The following JAM2 variants were observed in gnomAD, a reference collection of about 807,000 sequenced individuals.
The protein encoded by JAM2 is junctional adhesion molecule B.
Under a neutral mutation model 42.0 loss-of-function variants are expected in JAM2, and 17 were observed. The ratio of observed to expected loss-of-function variants is 0.40; its 90% CI spans 0.28 to 0.61. JAM2 has a LOEUF of 0.61. Ranked by LOEUF, JAM2 falls within the 20% of genes least tolerant of loss-of-function variation. The pLI is 0.37. For missense variants in JAM2, 319 were observed against 358.3 expected (o/e 0.89, Z 0.89); for synonymous variants, 118 against 128.6 (o/e 0.92, Z 0.56).
At chr21:25,695,294 G>C (rs910155701) in intron 4 of JAM2, among the ~76,000 whole-genome samples, 5 of 152,128 alleles carry the variant, frequency 3.3e-5, no homozygotes, top group African/African-American at 4.8e-5. Flanking sequence ...CACGGGGTTG[G>C]GGGTAATGTT....
chr21:25,708,491 G>A (rs1167961105), intron 7 of JAM2, among the ~76,000 whole-genome samples: 3 of 152,150 alleles, frequency 2.0e-5, no homozygotes, highest in Non-Finnish European at 2.9e-5. Context: ...TCGCTTGAGC[G>A]CAGAAGGTCG....
At chr21:25,690,626 G>A (rs2033859590) in intron 3 of JAM2, among the ~76,000 whole-genome samples, 1 of 152,052 alleles carries the variant, frequency 6.6e-6, no homozygotes, top group Non-Finnish European at 1.5e-5. Flanking sequence ...GGAATTACAG[G>A]TGTGAGCCAC....
intron 1 of JAM2, among the ~76,000 whole-genome samples, chr21:25,646,633 G>A (rs975840864): frequency 1.3e-5 from 2 of 152,062 alleles, no homozygotes; most frequent in African/African-American, 4.8e-5. Flanking sequence ...TGTGTGCTCA[G>A]ATAAATGCCT....
chr21:25,694,052 C>T, intron 4 of JAM2, 144 bp downstream of exon 4: 1 of 736,878 alleles, frequency 1.4e-6, no homozygotes, highest in Non-Finnish European at 2.2e-6. Flanking sequence ...TAAGCATCAC[C>T]TTCCTGGCAA....
At chr21:25,693,296 C>T (rs1244050645) in intron 3 of JAM2, among the ~76,000 whole-genome samples, 3 of 149,784 alleles carry the variant, frequency 2.0e-5, no homozygotes, top group African/African-American at 4.9e-5. Flanking sequence ...TTCTCTCTGT[C>T]GCCCAGGTTG....
chr21:25,643,957 A>G (rs2032526869), intron 1 of JAM2: 1 of 152,200 alleles, frequency 6.6e-6, no homozygotes, highest in South Asian at 2.1e-4. Flanking sequence ...GCTTTATTGA[A>G]GTCAGACCAC....
chr21:25,710,751 G>A (rs766237818), intron 8 of JAM2, among the ~76,000 whole-genome samples: 2 of 152,216 alleles, frequency 1.3e-5, no homozygotes, highest in Admixed American at 6.5e-5. Context: ...TTAGGCAGTC[G>A]TGAGGAGTCT....
intron 1 of JAM2, among the ~76,000 whole-genome samples, chr21:25,668,528 A>T (rs1417730045): frequency 6.6e-6 from 1 of 152,230 alleles, no homozygotes; most frequent in Non-Finnish European, 1.5e-5. Flanking sequence ...TGGGATCACT[A>T]AAGATAAATG....
At chr21:25,703,094 C>T (rs1041998653) in intron 6 of JAM2, among the ~76,000 whole-genome samples, 16 of 152,170 alleles carry the variant, frequency 1.1e-4, no homozygotes, top group South Asian at 6.2e-4. Context: ...TCAGGTGATC[C>T]GCCCACCTTG....
At chr21:25,708,945 A>G (rs981291357) in intron 7 of JAM2, among the ~76,000 whole-genome samples, 1 of 152,168 alleles carries the variant, frequency 6.6e-6, no homozygotes, top group Non-Finnish European at 1.5e-5. Flanking sequence ...GCAGACTACT[A>G]TCTGTGGACC....
intron 1 of JAM2, among the ~76,000 whole-genome samples, chr21:25,647,872 A>C (rs1057271187): frequency 3.3e-5 from 5 of 152,248 alleles, no homozygotes; most frequent in Non-Finnish European, 5.9e-5. Flanking sequence ...CTTCTGGGCA[A>C]GTGCTAAATT....
At chr21:25,651,454 A>G (rs1168933203) in intron 1 of JAM2, among the ~76,000 whole-genome samples, 1 of 152,222 alleles carries the variant, frequency 6.6e-6, no homozygotes, top group Non-Finnish European at 1.5e-5. Flanking sequence ...TTGAAGTTGT[A>G]TGGAAATAGG....
intron 2 of JAM2, 45 bp downstream of exon 2, chr21:25,683,993 C>A: frequency 8.2e-7 from 1 of 1,219,328 alleles, no homozygotes; most frequent in Non-Finnish European, 1.2e-6. Context: ...GTTTAAATAA[C>A]TCACGAGAGT....
intron 2 of JAM2, among the ~76,000 whole-genome samples, chr21:25,685,468 T>C (rs2123371657): frequency 7.7e-6 from 1 of 130,036 alleles, no homozygotes; most frequent in East Asian, 2.2e-4. Context: ...GAGGCTGCAG[T>C]GAGCCATGAC....
chr21:25,671,499 C>A (rs544249692), intron 1 of JAM2, among the ~76,000 whole-genome samples: 15 of 151,774 alleles, frequency 9.9e-5, no homozygotes, highest in Non-Finnish European at 1.6e-4. Flanking sequence ...AAAAGATTAT[C>A]TTTTTCTTTA....
chr21:25,670,990 T>C (rs2033347261), intron 1 of JAM2, among the ~76,000 whole-genome samples: 2 of 152,226 alleles, frequency 1.3e-5, no homozygotes, highest in South Asian at 4.1e-4. Context: ...ATTTAATTAA[T>C]AACACTTGTA....
chr21:25,707,011 A>T (rs975933710), intron 7 of JAM2, among the ~76,000 whole-genome samples: 15 of 152,090 alleles, frequency 9.9e-5, no homozygotes, highest in South Asian at 2.1e-4. Context: ...GTGCTGGGAT[A>T]ACAGGTGTGA....
At chr21:25,666,755 C>G (rs1240897439) in intron 1 of JAM2, among the ~76,000 whole-genome samples, 2 of 152,038 alleles carry the variant, frequency 1.3e-5, no homozygotes, top group Non-Finnish European at 2.9e-5. Context: ...AGACTGGTCT[C>G]AAACTCCTCA....
intron 1 of JAM2, among the ~76,000 whole-genome samples, chr21:25,673,549 A>G (rs752705801): frequency 6.6e-5 from 10 of 152,114 alleles, no homozygotes; most frequent in Non-Finnish European, 1.2e-4. Context: ...TTTGTAGTAT[A>G]CTCTCTGAAT....
Sources: allele counts gnomAD v4.1 joint callset (sites outside exome capture counted in the v4.1 genomes callset), GRCh38; gene constraint gnomAD v4.1.1; transcripts MANE v1.5; gene names NCBI Gene and HGNC (gene_info 2026-07-23, HGNC 2026-07-21).